Variants in SLC3A1 observed in about 807,000 individuals in gnomAD.
The protein encoded by SLC3A1 is amino acid transporter heavy chain SLC3A1.
In SLC3A1, 78 loss-of-function variants were observed where a neutral mutation model predicts 60.3. The observed-to-expected ratio is 1.29, with a 90% CI of 1.08 to 1.56. The LOEUF (loss-of-function observed/expected upper bound fraction) is 1.56, where lower values mean the gene tolerates loss of function less well. Ranked by LOEUF, SLC3A1 falls within the 40% of genes most tolerant of loss-of-function variation. The probability of loss-of-function intolerance (pLI) is 0.00; values close to 1 mark genes in which losing one functional copy is unlikely to be tolerated. For synonymous variants in SLC3A1, 392 were observed against 307.9 expected (o/e 1.27, Z -2.86); for missense variants, 1,172 against 858.9 (o/e 1.36, Z -4.56).
intron 5 of SLC3A1, 111 bp downstream of exon 5, chr2:44,300,201 T>C (rs1234735871): frequency 1.9e-6 from 2 of 1,062,518 alleles, no homozygotes; most frequent in African/African-American, 1.6e-5. Context: ...GTCCTGTGTC[T>C]AGCAAGTACC....
intron 9 of SLC3A1, 61 bp downstream of exon 9, chr2:44,314,012 A>G: frequency 6.2e-7 from 1 of 1,609,804 alleles, no homozygotes; most frequent in East Asian, 2.2e-5. Context: ...TTCTACTGAA[A>G]GTACACACTC....
At position 44,275,543 on chromosome 2, in the gene SLC3A1, A is replaced by G. The variant is rs138311995; in HGVS notation, c.8A>G (p.Glu3Gly). 237 of 1,614,074 alleles carry G rather than the reference A, an allele frequency of 1.5e-4. 4 individuals carry two copies. Among genetic ancestry groups the G allele is most frequent in the South Asian group, 1.2e-3 (107 of 91,018 alleles). ...GACATAAGTCGGTGAGACATGGCTG[A>G]AGATAAAAGCAAGAGAGACTCCATC... The part of the protein sequence containing the change: MA[E>G]DKSKRDSIEM... Residue 3 changes from glutamate to glycine, a missense_variant, in exon 1 of 10, where the codon GAA becomes GGA. Transcript: ENST00000260649.
At chr2:44,308,777 G>A (rs1232359447) in intron 7 of SLC3A1, among the ~76,000 whole-genome samples, 1 of 151,364 alleles carries the variant, frequency 6.6e-6, no homozygotes, top group Non-Finnish European at 1.5e-5. Flanking sequence ...CTGTTGCCCA[G>A]GCTGGAGTGC....
chr2:44,275,522 T>G lies in SLC3A1; in HGVS notation c.-14T>G. On this transcript the variant is annotated 5_prime_UTR_variant, in exon 1 of 10. Transcript: ENST00000260649. ...ACTGCAGGAAGGCACTCCGAAGACA[T>G]AAGTCGGTGAGACATGGCTGAAGAT... is the stretch of plus-strand genomic sequence containing the variant. 1 of 1,612,604 alleles carries G rather than the reference T, an allele frequency of 6.2e-7. No homozygotes were observed.
chr2:44,307,841 C>G (rs1251545876), intron 7 of SLC3A1, among the ~76,000 whole-genome samples: 4 of 152,072 alleles, frequency 2.6e-5, no homozygotes, highest in Non-Finnish European at 5.9e-5. Flanking sequence ...TTTATGAAGT[C>G]CAGTTGTTTT....
chr2:44,318,095 GTTTTTT>G (rs11348872), intron 9 of SLC3A1: 2 of 396,944 alleles, frequency 5.0e-6, no homozygotes, highest in Admixed American at 5.7e-5. Context: ...TCTCAACACT[GTTTTTT>G]TTTTTTTTTG....
chr2:44,286,744 C>CTGAGCTGTGCGGTGTCTGTGACGG (rs1558456077), intron 4 of SLC3A1, among the ~76,000 whole-genome samples: 1 of 123,568 alleles, frequency 8.1e-6, no homozygotes, highest in East Asian at 2.3e-4. Context: ...GTGCCTGTGA[C>CTGAGCTGTGCGGTGTCTGTGACGG]TGAGCTGTGC....
chr2:44,305,049 T>G (rs930126887), intron 7 of SLC3A1, among the ~76,000 whole-genome samples: 10 of 152,066 alleles, frequency 6.6e-5, no homozygotes, highest in Non-Finnish European at 1.3e-4. Context: ...CAGGCTTGTC[T>G]TAAACTCCTG....
chr2:44,321,176 T>G lies in SLC3A1; in HGVS notation c.*537T>G. 1.7e-6 allele frequency: 1 copy of G among 592,524 alleles called. No individual in the cohort carries two copies. The highest frequency in any genetic ancestry group is 3.0e-6 in the Non-Finnish European group (1 of 330,652). The allele number at this position is 592,524 out of a possible 1,614,324, so 36.7% of individuals were successfully genotyped here. On this transcript the variant is annotated 3_prime_UTR_variant, in exon 10 of 10. Coordinates refer to ENST00000260649, the MANE Select transcript of SLC3A1 (RefSeq NM_000341.4). ...CTAGGTTAATGGGCATGTGCATCAATGGAGAGAATAGTATAAGCAAGTGAG... is the reference window on the plus strand; with the variant it reads ...CTAGGTTAATGGGCATGTGCATCAAGGGAGAGAATAGTATAAGCAAGTGAG...
intron 7 of SLC3A1, among the ~76,000 whole-genome samples, chr2:44,305,904 C>A (rs550481902): frequency 2.0e-5 from 3 of 152,112 alleles, no homozygotes; most frequent in African/African-American, 7.2e-5. Context: ...GGTGTCAGGT[C>A]TACCTATTGT....
At chr2:44,276,545 C>A (rs1671345243) in intron 1 of SLC3A1, among the ~76,000 whole-genome samples, 1 of 151,780 alleles carries the variant, frequency 6.6e-6, no homozygotes, top group Admixed American at 6.6e-5. Context: ...TGTTTAAAAC[C>A]ATGTCCGTAT....
In SLC3A1 at chr2:44,280,421, TAGAGACGGG is replaced by T. The variant is rs1196707849; in HGVS notation, c.431-294_431-286del. Among the ~76,000 whole-genome samples, 5 of 152,256 alleles carry T rather than the reference TAGAGACGGG, an allele frequency of 3.3e-5. No individual in the cohort carries two copies. In the East Asian group the frequency reaches 7.7e-4, roughly 24 times the overall value. On this transcript the variant is annotated intron_variant, in intron 1 of 9. Transcript: ENST00000260649. ...ACCCAGCTAATTTTTGTATTTTTAA[TAGAGACGGG>T]GTTTTGTCATGTTGGCCAGGATGGT... is the stretch of plus-strand genomic sequence containing the variant.
At chr2:44,309,710 T>C (rs957808863) in intron 7 of SLC3A1, among the ~76,000 whole-genome samples, 1 of 152,230 alleles carries the variant, frequency 6.6e-6, no homozygotes, top group African/African-American at 2.4e-5. Context: ...GCAATTCTTA[T>C]GCCTTAGCCT....
intron 1 of SLC3A1, among the ~76,000 whole-genome samples, chr2:44,279,153 C>T (rs781626780): frequency 1.3e-5 from 2 of 151,984 alleles, no homozygotes; most frequent in Non-Finnish European, 2.9e-5. Context: ...AATGCACCAT[C>T]GTCCCCAGCT....
At chr2:44,303,908 A>G in intron 6 of SLC3A1, 1 of 617,378 alleles carries the variant, frequency 1.6e-6, no homozygotes, top group South Asian at 1.9e-5. Context: ...AAGGACATGG[A>G]CTCATCCTTT....
intron 7 of SLC3A1, among the ~76,000 whole-genome samples, chr2:44,305,088 G>T (rs1217432923): frequency 2.0e-5 from 3 of 151,980 alleles, no homozygotes; most frequent in Non-Finnish European, 2.9e-5. Flanking sequence ...GCCCACCTTG[G>T]TCTCCCAAAG....
At chr2:44,280,642 C>T (rs1671473676) in intron 1 of SLC3A1, 74 bp from the exon 2 acceptor site, 5 of 998,882 alleles carry the variant, frequency 5.0e-6, no homozygotes, top group Non-Finnish European at 7.7e-6. Context: ...CTATCTTAGG[C>T]ATATTTGTTA....
intron 4 of SLC3A1, among the ~76,000 whole-genome samples, chr2:44,288,119 C>T (rs1355137730): frequency 2.0e-5 from 3 of 151,728 alleles, no homozygotes; most frequent in Admixed American, 6.6e-5. Context: ...CTTGTGCCTC[C>T]CAGGTTCAAG....
intron 4 of SLC3A1, among the ~76,000 whole-genome samples, chr2:44,297,445 C>T (rs1476482712): frequency 6.6e-6 from 1 of 152,154 alleles, no homozygotes; most frequent in African/African-American, 2.4e-5. Context: ...ATTGAAATCC[C>T]ACCAGGTCAT....
Sources: allele counts gnomAD v4.1 joint callset (sites outside exome capture counted in the v4.1 genomes callset), GRCh38; gene constraint gnomAD v4.1.1; transcripts MANE v1.5; gene names NCBI Gene and HGNC (gene_info 2026-07-23, HGNC 2026-07-21).